MAPK8: variants seen among roughly 807,000 people sequenced by gnomAD.
The protein encoded by MAPK8 is JUN N-terminal kinase.
MAPK8 carries 13 observed loss-of-function variants against 52.9 expected under a neutral mutation model. The ratio of observed to expected loss-of-function variants is 0.25; its 90% CI spans 0.16 to 0.39. MAPK8 has a LOEUF of 0.39. Among genes scored for constraint, MAPK8 ranks in the 10% least tolerant of loss-of-function variants. MAPK8 has a pLI of 1.00. For missense variants in MAPK8, 300 were observed against 519.2 expected (o/e 0.58, Z 4.10); for synonymous variants, 191 against 169.8 (o/e 1.12, Z -0.97).
chr10:48,327,098 G>A lies in MAPK8; in HGVS notation c.-50+20277G>A, dbSNP rs187877998. 3.3e-5 allele frequency among the ~76,000 whole-genome samples: 5 copies of A among 152,040 alleles called. No individual in the cohort carries two copies. In the East Asian group the frequency reaches 9.7e-4, roughly 29 times the overall value. On this transcript the variant is annotated intron_variant, in intron 1 of 11. Transcript: ENST00000374189. ...TCTTATTGCAGTATTTAGGACTTTA[G>A]GTATGATGTTGAATAGGAGTAATGG... is the stretch of plus-strand genomic sequence containing the variant.
At chr10:48,357,404 TTG>T (rs1202109797) in intron 1 of MAPK8, among the ~76,000 whole-genome samples, 2 of 152,168 alleles carry the variant, frequency 1.3e-5, no homozygotes, top group African/African-American at 4.8e-5. Context: ...TCATTTTTGT[TTG>T]TGTTTTGAGA....
At chr10:48,348,601 A>AT (rs1230460312) in intron 1 of MAPK8, among the ~76,000 whole-genome samples, 1 of 152,214 alleles carries the variant, frequency 6.6e-6, no homozygotes, top group Admixed American at 6.5e-5. Flanking sequence ...AGTTTTCTGC[A>AT]TATGACTAGC....
chr10:48,391,109 T>C (rs1345240950), intron 1 of MAPK8, among the ~76,000 whole-genome samples: 1 of 152,014 alleles, frequency 6.6e-6, no homozygotes, highest in African/African-American at 2.4e-5. Context: ...AATGAACAAA[T>C]GAGATACATC....
chr10:48,434,873 T>A lies in MAPK8; in HGVS notation c.1139-11T>A. On this transcript the variant is annotated splice_polypyrimidine_tract_variant and intron_variant, in intron 11 of 11. Coordinates refer to ENST00000374189, the MANE Select transcript of MAPK8 (RefSeq NM_001323329.2). ...TGCAACTGATTTGCTGTTTTGTTTC[T>A]CATAGCACAGGTGCAGCAGTGATCA... is the stretch of plus-strand genomic sequence containing the variant. The A allele has an allele frequency of 6.2e-7, 1 of 1,600,820 alleles. No individual in the cohort carries two copies. The highest frequency in any genetic ancestry group is 8.5e-7 in the Non-Finnish European group (1 of 1,172,772).
intron 3 of MAPK8, among the ~76,000 whole-genome samples, chr10:48,406,192 G>T (rs1352729608): frequency 6.6e-6 from 1 of 152,202 alleles, no homozygotes; most frequent in African/African-American, 2.4e-5. Context: ...CGTAAAAAAG[G>T]TCCAGAGACA....
rs539729013 is a variant in MAPK8, at chr10:48,327,513, T to A, written c.-50+20692T>A. 5.3e-5 allele frequency among the ~76,000 whole-genome samples: 8 copies of A among 152,358 alleles called. No individual in the cohort carries two copies. The South Asian group carries it at 1.7e-3, about 32-fold the overall frequency. ...TATTTTGTTGAGGATTTTTGTTACCTGTGTTCATGAAAGATACTGGTCTGT... is the reference window on the plus strand; with the variant it reads ...TATTTTGTTGAGGATTTTTGTTACCAGTGTTCATGAAAGATACTGGTCTGT... On this transcript the variant is annotated intron_variant, in intron 1 of 11. Transcript: ENST00000374189.
intron 6 of MAPK8, among the ~76,000 whole-genome samples, chr10:48,421,881 C>T (rs1050790626): frequency 3.3e-5 from 5 of 152,080 alleles, no homozygotes; most frequent in African/African-American, 1.2e-4. Flanking sequence ...ACCTTCTTGC[C>T]TTCCCACTCC....
At chr10:48,343,249 T>A (rs1378353717) in intron 1 of MAPK8, among the ~76,000 whole-genome samples, 1 of 152,162 alleles carries the variant, frequency 6.6e-6, no homozygotes, top group African/African-American at 2.4e-5. Context: ...CAGGGGAGAA[T>A]CTGTTCCTTT....
intron 1 of MAPK8, among the ~76,000 whole-genome samples, chr10:48,377,670 C>A (rs1364950795): frequency 7.2e-5 from 11 of 152,110 alleles, no homozygotes; most frequent in Admixed American, 7.2e-4. Flanking sequence ...GGTGACAGAG[C>A]AACAGGATAA....
chr10:48,431,622 A>G (rs1164076370), intron 11 of MAPK8, among the ~76,000 whole-genome samples: 4 of 152,196 alleles, frequency 2.6e-5, no homozygotes, highest in Admixed American at 6.5e-5. Flanking sequence ...TAAAAGCTTC[A>G]CTGCAAAATT....
intron 1 of MAPK8, among the ~76,000 whole-genome samples, chr10:48,387,998 C>T (rs1031697597): frequency 2.2e-4 from 34 of 152,222 alleles, no homozygotes; most frequent in African/African-American, 7.9e-4. Flanking sequence ...CATATACACT[C>T]TTGAGCATTA....
intron 9 of MAPK8, 113 bp downstream of exon 9, chr10:48,426,617 G>A: frequency 1.0e-6 from 1 of 974,166 alleles, no homozygotes; most frequent in Non-Finnish European, 1.5e-6. Flanking sequence ...ACATGATGAT[G>A]ATGTTTTTCT....
chr10:48,328,670 T>A (rs557975568), intron 1 of MAPK8, among the ~76,000 whole-genome samples: 13 of 152,228 alleles, frequency 8.5e-5, no homozygotes, highest in Non-Finnish European at 1.6e-4. Context: ...TTTTTGGTAG[T>A]CAACAAGAGC....
intron 1 of MAPK8, among the ~76,000 whole-genome samples, chr10:48,336,712 C>G (rs1005242200): frequency 1.3e-5 from 2 of 152,060 alleles, no homozygotes; most frequent in African/African-American, 4.8e-5. Context: ...TGCTTAGCCC[C>G]TGGAAAACTG....
intron 1 of MAPK8, among the ~76,000 whole-genome samples, chr10:48,399,426 A>G (rs1442617538): frequency 1.3e-5 from 2 of 152,060 alleles, no homozygotes; most frequent in African/African-American, 4.8e-5. Flanking sequence ...TTAACCTTGG[A>G]GCCTGTCTGC....
chr10:48,371,962 G>A (rs964194601), intron 1 of MAPK8, among the ~76,000 whole-genome samples: 7 of 152,166 alleles, frequency 4.6e-5, no homozygotes, highest in South Asian at 2.1e-4. Context: ...AACACAAGGC[G>A]TGGAGAAGGG....
At chr10:48,326,603 A>G (rs1843547355) in intron 1 of MAPK8, among the ~76,000 whole-genome samples, 1 of 152,222 alleles carries the variant, frequency 6.6e-6, no homozygotes, top group Non-Finnish European at 1.5e-5. Flanking sequence ...AAATATATTC[A>G]TATATTAGAA....
chr10:48,308,578 G>A (rs1841632688), intron 1 of MAPK8, among the ~76,000 whole-genome samples: 1 of 152,260 alleles, frequency 6.6e-6, no homozygotes, highest in Admixed American at 6.5e-5. Context: ...GTATGTGCTA[G>A]TTTATGTGTG....
At chr10:48,331,561 T>C (rs1588966343) in intron 1 of MAPK8, among the ~76,000 whole-genome samples, 2 of 152,322 alleles carry the variant, frequency 1.3e-5, no homozygotes, top group African/African-American at 4.8e-5. Flanking sequence ...GTTCAGCTGT[T>C]TGCACAGCTA....
Sources: allele counts gnomAD v4.1 joint callset (sites outside exome capture counted in the v4.1 genomes callset), GRCh38; gene constraint gnomAD v4.1.1; transcripts MANE v1.5; gene names NCBI Gene and HGNC (gene_info 2026-07-23, HGNC 2026-07-21).